MARF1: variants seen among roughly 807,000 people sequenced by gnomAD.
The protein encoded by MARF1 is limkain-b1.
A neutral mutation model predicts 168.2 loss-of-function variants in MARF1; 24 were observed. The observed-to-expected ratio is 0.14, with a 90% CI of 0.10 to 0.20. MARF1 has a LOEUF of 0.20. Among genes scored for constraint, MARF1 ranks in the 10% least tolerant of loss-of-function variants. MARF1 has a pLI of 1.00. For missense variants in MARF1, 1,744 were observed against 2,143.6 expected (o/e 0.81, Z 3.68); for synonymous variants, 868 against 822.4 (o/e 1.06, Z -0.95).
In MARF1 at chr16:15,617,311, T is replaced by C. The variant is rs764337579; in HGVS notation, c.2945A>G (p.Asn982Ser). The change falls in exon 14 of 27, where the codon AAT becomes AGT. Residue 982 changes from asparagine to serine, a missense_variant. This residue lies in a region of MARF1 where 543 missense variants were observed against 742.1 expected (regional missense o/e 0.73). Coordinates refer to ENST00000396368, the MANE Select transcript of MARF1 (RefSeq NM_014647.4). The stretch of plus-strand genomic sequence containing the variant: ...ACGAACGGCACACCTGAAATCCTTA[T>C]TGGAACAATGCTGTCTGCAGACAGG... The part of the protein sequence containing the change: ...HEPVCRQHCS[N>S]KDFSEHEFDP... 20 of 1,613,606 alleles carry C rather than the reference T, an allele frequency of 1.2e-5. No homozygotes were observed. The highest frequency in any genetic ancestry group is 4.5e-5 in the East Asian group (2 of 44,886).
chr16:15,630,615 C>T, intron 6 of MARF1, 111 bp from the exon 7 acceptor site: 2 of 925,714 alleles, frequency 2.2e-6, no homozygotes, highest in Non-Finnish European at 1.5e-6. Flanking sequence ...GGACTATATT[C>T]AAAATTGCTT....
At position 15,635,849 on chromosome 16, in the gene MARF1, G is replaced by A. The variant is rs201272348; in HGVS notation, c.638C>T (p.Pro213Leu). The A allele has an allele frequency of 7.6e-5, 122 of 1,614,084 alleles. No individual in the cohort carries two copies. The highest frequency in any genetic ancestry group is 9.7e-5 in the Non-Finnish European group (114 of 1,180,058). The change falls in exon 3 of 27, where the codon CCG becomes CTG. Residue 213 changes from proline (P) to leucine (L), a missense_variant. Physicochemically the swap from Pro to Leu is moderately conservative, Grantham distance 98 (BLOSUM62 -3). Coordinates refer to ENST00000396368, the MANE Select transcript of MARF1 (RefSeq NM_014647.4). Reference sequence around the variant, plus strand: ...AGCGGAGGTGCAGCCCTGCAGACTCGGAAACTGATGCAGCTTGTGCACATT... The same window carrying A: ...AGCGGAGGTGCAGCCCTGCAGACTCAGAAACTGATGCAGCTTGTGCACATT... ...HGNVHKLHQF[P>L]SLQGCTSAGY... is the part of the protein sequence containing the mutation.
chr16:15,611,384 G>A (rs975402364), intron 18 of MARF1, among the ~76,000 whole-genome samples: 2 of 151,048 alleles, frequency 1.3e-5, no homozygotes, highest in Admixed American at 1.3e-4. Flanking sequence ...GCATAAACCC[G>A]GGAGGCGGAG....
At chr16:15,639,372 G>T (rs1747619210) in intron 1 of MARF1, 81 bp from the exon 2 acceptor site, 1 of 936,548 alleles carries the variant, frequency 1.1e-6, no homozygotes. Context: ...TGAAACCACA[G>T]CTATATTTAC....
In MARF1 at chr16:15,631,577, T is replaced by C. The variant is rs1009385615; in HGVS notation, c.1234-79A>G. 7.3e-6 allele frequency: 7 copies of C among 953,008 alleles called. No homozygotes were observed. The African/African-American group carries it at 1.2e-4, about 16-fold the overall frequency. 59.0% of individuals were successfully genotyped at this position (953,008 alleles called of 1,614,324 possible). A position where few individuals can be genotyped will look rare whatever the true frequency, so the allele number is the denominator to read the frequency against. ...CTACACATTCTGCCCATATTTTTTA[T>C]TTTTTAAATTTTATTATACTTTAAG... On this transcript the variant is annotated intron_variant, in intron 5 of 26. Coordinates refer to ENST00000396368, the MANE Select transcript of MARF1 (RefSeq NM_014647.4).
intron 5 of MARF1, among the ~76,000 whole-genome samples, chr16:15,632,444 A>G (rs2035312065): frequency 6.6e-6 from 1 of 152,174 alleles, no homozygotes; most frequent in Non-Finnish European, 1.5e-5. Flanking sequence ...ATAAGCAGAA[A>G]AGAGAGATAA....
At chr16:15,627,609 A>G (rs1304725975) in intron 7 of MARF1, among the ~76,000 whole-genome samples, 1 of 152,144 alleles carries the variant, frequency 6.6e-6, no homozygotes, top group Non-Finnish European at 1.5e-5. Flanking sequence ...CAGAGTCTCA[A>G]AAAAATTTTT....
In MARF1 at chr16:15,642,706, T is replaced by C. The variant is rs931489189; in HGVS notation, c.-59+312A>G. On this transcript the variant is annotated intron_variant, in intron 1 of 26. Transcript: ENST00000396368. ...AACACCCGCCCCTTTCCTTCTCTCT[T>C]AACCTTCCAGCTGTGCACTTCACTC... Among the ~76,000 whole-genome samples, 11 of 152,214 alleles carry C rather than the reference T, an allele frequency of 7.2e-5. 1 individual carries two copies. In the South Asian group the frequency reaches 2.3e-3, roughly 32 times the overall value.
intron 23 of MARF1, 199 bp from the exon 24 acceptor site, chr16:15,600,900 C>A: frequency 1.4e-6 from 1 of 707,188 alleles, no homozygotes; most frequent in Non-Finnish European, 2.6e-6. Flanking sequence ...CTATAAAAAG[C>A]AGAGTAGTTC....
At position 15,636,297 on chromosome 16, in the gene MARF1, C is replaced by T. The variant is rs992155998; in HGVS notation, c.190G>A (p.Val64Ile). The part of the protein sequence containing the change: ...NKKVAVELKD[V>I]PSPLHAGSKL... ...GAGCCAGCATGAAGGGGTGATGGTA[C>T]ATCCTTTAGTTCCACAGCAACTTTC... Residue 64 changes from valine (V) to isoleucine (I), a missense_variant, in exon 3 of 27, where the codon GTA (valine) becomes ATA (isoleucine). Transcript: ENST00000396368. 5 of 1,596,502 alleles carry T rather than the reference C, an allele frequency of 3.1e-6. No homozygotes were observed. Among genetic ancestry groups the T allele is most frequent in the Non-Finnish European group, 4.3e-6 (5 of 1,170,294 alleles).
chr16:15,616,623 A>T (rs939613943), intron 15 of MARF1, among the ~76,000 whole-genome samples: 1 of 152,172 alleles, frequency 6.6e-6, no homozygotes, highest in Admixed American at 6.5e-5. Flanking sequence ...TGTACTCAAT[A>T]ATGTGTTGCT....
At chr16:15,631,705 C>G (rs1332151967) in intron 5 of MARF1, among the ~76,000 whole-genome samples, 1 of 152,094 alleles carries the variant, frequency 6.6e-6, no homozygotes, top group African/African-American at 2.4e-5. Flanking sequence ...TTTATGCCCC[C>G]ACATGTATTA....
intron 1 of MARF1, among the ~76,000 whole-genome samples, chr16:15,640,960 G>A (rs868771865): frequency 2.1e-4 from 32 of 152,278 alleles, no homozygotes; most frequent in Middle Eastern, 6.8e-3. Flanking sequence ...AGCATAGTGT[G>A]GCAGCATGCG....
chr16:15,627,213 C>T (rs2034926711), intron 7 of MARF1, among the ~76,000 whole-genome samples: 1 of 152,064 alleles, frequency 6.6e-6, no homozygotes, highest in East Asian at 1.9e-4. Flanking sequence ...AATTGCCAGG[C>T]ATTGTGGCTC....
Position 15,608,452 on chromosome 16 carries a change from C to T in MARF1, c.4021G>A (p.Ala1341Thr), listed in dbSNP as rs752798649. 7.4e-6 allele frequency: 12 copies of T among 1,614,110 alleles called. No homozygotes were observed. The South Asian group carries it at 1.1e-4, about 15-fold the overall frequency. The change falls in exon 21 of 27, where the codon GCC becomes ACC. Residue 1341 changes from alanine to threonine, a missense_variant. Around this residue, in one of 7 missense-constraint regions of MARF1, gnomAD observed 543 missense variants for 742.1 expected, o/e 0.73. Transcript: ENST00000396368. The stretch of plus-strand genomic sequence containing the variant: ...GACCGAAGGAGTTTAACAAACTGGG[C>T]AGCTAGAGCTTTGAACCGCTCCACC... ...TEVERFKALA[A>T]QFVKLLRSQK...
intron 22 of MARF1, 53 bp from the exon 23 acceptor site, chr16:15,602,256 G>A (rs971907253): frequency 1.2e-5 from 18 of 1,501,200 alleles, no homozygotes; most frequent in South Asian, 4.5e-5. Context: ...GCCCTGCCCC[G>A]TGGAAAGTGA....
chr16:15,642,518 G>GGTGCTT (rs2036078330), intron 1 of MARF1: 1 of 152,196 alleles, frequency 6.6e-6, no homozygotes, highest in African/African-American at 2.4e-5. Flanking sequence ...ATACCGGAAA[G>GGTGCTT]GTGCTTGAGA....
At chr16:15,618,833 CA>C (rs2034250614) in intron 13 of MARF1, among the ~76,000 whole-genome samples, 1 of 152,156 alleles carries the variant, frequency 6.6e-6, no homozygotes, top group Non-Finnish European at 1.5e-5. Flanking sequence ...CCTGAATGTC[CA>C]AAACCAAGAC....
intron 10 of MARF1, among the ~76,000 whole-genome samples, chr16:15,623,420 CA>C (rs376831972): frequency 2.6e-5 from 4 of 151,890 alleles, no homozygotes; most frequent in African/African-American, 2.4e-5. Flanking sequence ...GCTGGGACTA[CA>C]GGCATGCACC....
Sources: gnomAD v4.1 joint callset for allele counts (sites outside exome capture counted in the v4.1 genomes callset) on GRCh38, gnomAD v4.1.1 for gene constraint, gnomAD v4.1.1 regional missense constraint, MANE v1.5 for transcripts, NCBI Gene and HGNC (gene_info 2026-07-23, HGNC 2026-07-21) for gene names.